Variants in INTS4 observed in about 807,000 individuals in gnomAD.
The protein encoded by INTS4 is MSTP093.
INTS4 carries 70 observed loss-of-function variants against 119.5 expected under a neutral mutation model. That is an observed-to-expected ratio of 0.59 (90% CI 0.48 to 0.71). INTS4 has a LOEUF of 0.71. Ranked by LOEUF, INTS4 falls within the 30% of genes least tolerant of loss-of-function variation. INTS4 has a pLI of 0.00. For synonymous variants in INTS4, 316 were observed against 419.6 expected, an observed-to-expected ratio of 0.75 and a Z score of 3.02; for missense variants, 867 against 1,173.2, an observed-to-expected ratio of 0.74 and a Z score of 3.81.
In INTS4 at chr11:77,879,240, C is replaced by A. The variant is rs902180040; in HGVS notation, c.2714-113G>T. 7.2e-6 allele frequency: 8 copies of A among 1,117,662 alleles called. No individual in the cohort carries two copies. In the African/African-American group the frequency reaches 1.1e-4, roughly 15 times the overall value. 69.2% of individuals were successfully genotyped at this position (1,117,662 alleles called of 1,614,324 possible). A position where few individuals can be genotyped will look rare whatever the true frequency, so the allele number is the denominator to read the frequency against. On this transcript the variant is annotated intron_variant, in intron 22 of 22. Coordinates refer to ENST00000534064, the MANE Select transcript of INTS4 (RefSeq NM_033547.4). ...AAGCAGTAGGGAGAAATTTCTTCATCCGTCTACATTCCCTCCCCTTACCCT... is the reference window on the plus strand; with the variant it reads ...AAGCAGTAGGGAGAAATTTCTTCATACGTCTACATTCCCTCCCCTTACCCT...
In INTS4 at chr11:77,921,561, T is replaced by C. The variant is rs1401804023; in HGVS notation, c.1631-88A>G. The C allele has an allele frequency of 5.3e-6, 4 of 758,644 alleles. No individual in the cohort carries two copies. The East Asian group carries it at 1.0e-4, about 19-fold the overall frequency. 47.0% of individuals were successfully genotyped at this position (758,644 alleles called of 1,614,324 possible). A position where few individuals can be genotyped will look rare whatever the true frequency, so the allele number is the denominator to read the frequency against. On this transcript the variant is annotated intron_variant, in intron 13 of 22. Transcript: ENST00000534064. The stretch of plus-strand genomic sequence containing the variant: ...TCACTTTCCACCTCCAAAATCTCCA[T>C]CAAGAGACTATGATTTTCTAATAAT...
At chr11:77,888,801 G>A (rs1343155862) in intron 21 of INTS4, among the ~76,000 whole-genome samples, 1 of 152,192 alleles carries the variant, frequency 6.6e-6, no homozygotes, top group Non-Finnish European at 1.5e-5. Context: ...AGACATTTAT[G>A]CAGCCAAAAA....
chr11:77,905,722 C>T (rs1952930882), intron 16 of INTS4, among the ~76,000 whole-genome samples: 1 of 152,234 alleles, frequency 6.6e-6, no homozygotes, highest in Admixed American at 6.5e-5. Context: ...TTCCATCAAT[C>T]TCGTCAAAAG....
At chr11:77,959,858 T>G (rs1591110051) in intron 6 of INTS4, among the ~76,000 whole-genome samples, 1 of 152,324 alleles carries the variant, frequency 6.6e-6, no homozygotes, top group African/African-American at 2.4e-5. Context: ...GGCCTTTTGG[T>G]TGGCCATCAA....
At chr11:77,912,887 T>TA (rs1487861744) in intron 15 of INTS4, among the ~76,000 whole-genome samples, 2 of 152,214 alleles carry the variant, frequency 1.3e-5, no homozygotes, top group African/African-American at 2.4e-5. Context: ...ATAATTCAAC[T>TA]AAAAAATCCC....
chr11:77,975,162 T>C (rs1314792168), intron 4 of INTS4, among the ~76,000 whole-genome samples: 1 of 152,210 alleles, frequency 6.6e-6, no homozygotes, highest in African/African-American at 2.4e-5. Flanking sequence ...TTTTCCAGCA[T>C]CTTAAGTTGG....
Position 77,891,296 on chromosome 11 carries a change from ATGAG to A in INTS4, c.2592+19_2592+22del, listed in dbSNP as rs1011000500. On this transcript the variant is annotated intron_variant, in intron 21 of 22. Transcript: ENST00000534064. Reference sequence around the variant, plus strand: ...AACACAATGTCAGTCTAGAAGCTCCATGAGGACCCAAACCCGACAGACCTGGACC... The same window carrying A: ...AACACAATGTCAGTCTAGAAGCTCCAGACCCAAACCCGACAGACCTGGACC... 1.9e-6 allele frequency: 3 copies of A among 1,606,620 alleles called. No homozygotes were observed. In the African/African-American group the frequency reaches 4.0e-5, roughly 22 times the overall value.
intron 18 of INTS4, among the ~76,000 whole-genome samples, chr11:77,898,797 A>G (rs894830100): frequency 6.6e-6 from 1 of 152,134 alleles, no homozygotes; most frequent in Admixed American, 6.5e-5. Flanking sequence ...AGGCAGGTGG[A>G]TCACTTGAGG....
chr11:77,977,378 T>C (rs1368701440), intron 4 of INTS4, among the ~76,000 whole-genome samples: 2 of 151,694 alleles, frequency 1.3e-5, no homozygotes, highest in Admixed American at 6.6e-5. Flanking sequence ...AAAATACTTA[T>C]GTTAGCAAAA....
chr11:77,891,764 T>A lies in INTS4; in HGVS notation c.2365A>T (p.Thr789Ser), dbSNP rs148229876. Residue 789 changes from threonine to serine, a missense_variant, in exon 20 of 23, where the codon ACA becomes TCA. Transcript: ENST00000534064. ...KLLDLMPRLM[T>S]SKPAEVVKIL... ...TTGACCACTTCTGCAGGTTTGGATG[T>A]CATGAGTCGGGGCATAAGGTCAAGG... 1.9e-6 allele frequency: 3 copies of A among 1,611,994 alleles called. No individual in the cohort carries two copies. The highest frequency in any genetic ancestry group is 2.5e-6 in the Non-Finnish European group (3 of 1,179,864).
intron 19 of INTS4, among the ~76,000 whole-genome samples, chr11:77,892,247 T>C (rs978248544): frequency 6.6e-6 from 1 of 152,208 alleles, no homozygotes; most frequent in African/African-American, 2.4e-5. Flanking sequence ...ATTGCTTCAA[T>C]GGAGCTTACA....
intron 4 of INTS4, among the ~76,000 whole-genome samples, chr11:77,961,709 T>C (rs1225099326): frequency 6.6e-6 from 1 of 152,188 alleles, no homozygotes; most frequent in Non-Finnish European, 1.5e-5. Flanking sequence ...ATTTGTTTAT[T>C]TTTGTACTTT....
At chr11:77,879,896 A>G (rs1370892336) in intron 22 of INTS4, among the ~76,000 whole-genome samples, 1 of 152,222 alleles carries the variant, frequency 6.6e-6, no homozygotes, top group African/African-American at 2.4e-5. Context: ...AAGAGTTCTT[A>G]TCCTGCTACA....
chr11:77,901,713 A>G (rs926044613), intron 17 of INTS4, among the ~76,000 whole-genome samples, 162 bp from the exon 18 acceptor site: 6 of 152,092 alleles, frequency 3.9e-5, no homozygotes, highest in African/African-American at 1.4e-4. Context: ...ATGCCTTGTA[A>G]AAAGAGAATA....
chr11:77,885,414 T>C (rs898073484), intron 21 of INTS4, among the ~76,000 whole-genome samples: 2 of 152,018 alleles, frequency 1.3e-5, no homozygotes, highest in African/African-American at 4.8e-5. Flanking sequence ...CCCACTCTAG[T>C]TCTAGGCTCC....
intron 16 of INTS4, among the ~76,000 whole-genome samples, chr11:77,904,997 G>A (rs1952899868): frequency 6.6e-6 from 1 of 152,184 alleles, no homozygotes; most frequent in South Asian, 2.1e-4. Context: ...AGGAATATCA[G>A]AAACCTGGTA....
Position 77,981,590 on chromosome 11 carries a change from A to C in INTS4, c.247-14T>G. On this transcript the variant is annotated splice_polypyrimidine_tract_variant and intron_variant, in intron 2 of 22. Transcript: ENST00000534064. The stretch of plus-strand genomic sequence containing the variant: ...TGGATCATTCTCCTGGAAAAAAAGA[A>C]GCAATTGTCACTTTGATGCTTTACA... The C allele has an allele frequency of 7.0e-7, 1 of 1,425,158 alleles. No individual in the cohort carries two copies. Among genetic ancestry groups the C allele is most frequent in the Non-Finnish European group, 9.7e-7 (1 of 1,027,558 alleles). 88.3% of individuals were successfully genotyped at this position (1,425,158 alleles called of 1,614,324 possible).
intron 8 of INTS4, among the ~76,000 whole-genome samples, chr11:77,953,226 A>G (rs1343512728): frequency 1.3e-5 from 2 of 152,236 alleles, no homozygotes; most frequent in African/African-American, 4.8e-5. Context: ...AATCTCACCA[A>G]GAGTGGCAGG....
intron 22 of INTS4, among the ~76,000 whole-genome samples, chr11:77,883,594 G>A (rs996060441): frequency 2.6e-5 from 4 of 151,980 alleles, no homozygotes; most frequent in Admixed American, 6.6e-5. Context: ...TATCATAATC[G>A]CCTGTATATC....
Sources: allele counts gnomAD v4.1 joint callset (sites outside exome capture counted in the v4.1 genomes callset), GRCh38; gene constraint gnomAD v4.1.1; transcripts MANE v1.5; gene names NCBI Gene and HGNC (gene_info 2026-07-23, HGNC 2026-07-21).